Variants in CIB4 observed in about 807,000 individuals in gnomAD.
The protein encoded by CIB4 is calcium and integrin-binding family member 4.
Under a neutral mutation model 25.8 loss-of-function variants are expected in CIB4, and 25 were observed. That is an observed-to-expected ratio of 0.97 (90% confidence interval 0.71 to 1.35). The LOEUF (loss-of-function observed/expected upper bound fraction) is 1.35. Ranked by LOEUF, CIB4 falls within the 40% of genes most tolerant of loss-of-function variation. The pLI is 0.00. For synonymous variants in CIB4, 75 were observed against 81.4 expected (o/e 0.92, Z 0.42); for missense variants, 235 against 228.2 (o/e 1.03, Z -0.19).
chr2:26,628,433 T>G (rs1669349949), intron 3 of CIB4, among the ~76,000 whole-genome samples: 1 of 152,016 alleles, frequency 6.6e-6, no homozygotes, highest in Non-Finnish European at 1.5e-5. Context: ...AGGGAAGGTT[T>G]GCCAAGGACC....
chr2:26,621,845 T>C (rs1316838978), intron 3 of CIB4, among the ~76,000 whole-genome samples: 1 of 152,164 alleles, frequency 6.6e-6, no homozygotes, highest in African/African-American at 2.4e-5. Context: ...GAAATTTTGC[T>C]AGGAAAAGGA....
chr2:26,607,189 C>G (rs568678000), intron 3 of CIB4, among the ~76,000 whole-genome samples: 2 of 152,148 alleles, frequency 1.3e-5, no homozygotes, highest in Non-Finnish European at 2.9e-5. Flanking sequence ...GGCAGTGGAG[C>G]GAGCAGAGGC....
intron 3 of CIB4, among the ~76,000 whole-genome samples, chr2:26,604,890 A>T (rs1668858943): frequency 1.3e-5 from 2 of 152,214 alleles, no homozygotes; most frequent in Non-Finnish European, 2.9e-5. Flanking sequence ...ATCATTAAGG[A>T]TATGAAAGAC....
rs1558554548 is a variant in CIB4, at chr2:26,588,997, T to TTCTTCC, written c.329-5100_329-5099insGGAAGA. ...TTCTTCTTTCTTCTTCTTCTTCTTCTTCTTCTTCTTCTTCTTCTTCTTCTT... is the reference window on the plus strand; with the variant it reads ...TTCTTCTTTCTTCTTCTTCTTCTTCTTCTTCCTCTTCTTCTTCTTCTTCTTCTTCTT... On this transcript the variant is annotated intron_variant, in intron 4 of 6. Transcript: ENST00000288861. 2.5e-3 allele frequency among the ~76,000 whole-genome samples: 25 copies of TTCTTCC among 9,956 alleles called. 2 individuals carry two copies. Among genetic ancestry groups the TTCTTCC allele is most frequent in the African/African-American group, 6.8e-3 (22 of 3,212 alleles). The allele number at this position is 9,956 out of a possible 152,430, so 6.5% of individuals were successfully genotyped here. A position where few individuals can be genotyped will look rare whatever the true frequency, so the allele number is the denominator to read the frequency against.
intron 2 of CIB4, among the ~76,000 whole-genome samples, chr2:26,631,576 G>A (rs762110813): frequency 1.3e-5 from 2 of 152,170 alleles, no homozygotes; most frequent in Non-Finnish European, 2.9e-5. Context: ...CCCTGACGAT[G>A]GTAGGTGGAG....
intron 3 of CIB4, among the ~76,000 whole-genome samples, chr2:26,607,946 G>C (rs904504354): frequency 1.3e-5 from 2 of 152,252 alleles, no homozygotes; most frequent in African/African-American, 4.8e-5. Flanking sequence ...ACTCAAAGGA[G>C]AGCAGCTCTG....
At chr2:26,629,387 C>G in intron 3 of CIB4, 23 bp downstream of exon 3, 1 of 1,511,568 alleles carries the variant, frequency 6.6e-7, no homozygotes, top group East Asian at 2.4e-5. Flanking sequence ...CTGCCCTTGC[C>G]CCACCCACCA....
intron 3 of CIB4, among the ~76,000 whole-genome samples, chr2:26,625,120 G>C (rs1669275172): frequency 6.6e-6 from 1 of 152,086 alleles, no homozygotes; most frequent in Admixed American, 6.5e-5. Context: ...CCAAGTCCTA[G>C]GGCCAGAACC....
Position 26,629,433 on chromosome 2 carries a change from C to A in CIB4, c.163G>T (p.Val55Phe), listed in dbSNP as rs1190055695. ...ACCCGCAGAGCTGGCAGGGAGCTGA[C>A]CTGGTCCATGGTGAGCGTTGCCTCC... The part of the protein sequence containing the change: ...YKEATLTMDQ[V>F]SSLPALRVNP... Residue 55 changes from valine (V) to phenylalanine (F), a missense_variant, in exon 3 of 7, where the codon GTC becomes TTC. Physicochemically the swap from Val to Phe is conservative, Grantham distance 50 (BLOSUM62 -1). Transcript: ENST00000288861. 3 of 1,581,208 alleles carry A rather than the reference C, an allele frequency of 1.9e-6. No homozygotes were observed. The highest frequency in any genetic ancestry group is 2.6e-6 in the Non-Finnish European group (3 of 1,163,296).
intron 3 of CIB4, among the ~76,000 whole-genome samples, chr2:26,620,767 G>C (rs543863172): frequency 6.6e-6 from 1 of 152,240 alleles, no homozygotes; most frequent in South Asian, 2.1e-4. Context: ...TCTGAGGAAG[G>C]CTTCTGACGC....
rs1466155795 is a variant in CIB4, at chr2:26,581,340, C to T, written c.*23G>A. On this transcript the variant is annotated 3_prime_UTR_variant, in exon 7 of 7. Coordinates refer to ENST00000288861, the MANE Select transcript of CIB4 (RefSeq NM_001029881.3). Reference sequence around the variant, plus strand: ...TTCCTGTGGTCTCCCTCGAGGCTGCCATGTCAGGTGTTTGCCGCTACATCA... The same window carrying T: ...TTCCTGTGGTCTCCCTCGAGGCTGCTATGTCAGGTGTTTGCCGCTACATCA... 6.2e-7 allele frequency: 1 copy of T among 1,608,866 alleles called. No homozygotes were observed. Among genetic ancestry groups the T allele is most frequent in the South Asian group, 1.1e-5 (1 of 90,918 alleles).
chr2:26,612,693 C>T (rs1451947525), intron 3 of CIB4, among the ~76,000 whole-genome samples: 1 of 152,094 alleles, frequency 6.6e-6, no homozygotes, highest in Non-Finnish European at 1.5e-5. Context: ...GAGCAGCTGG[C>T]CAAGCGAGGC....
intron 2 of CIB4, among the ~76,000 whole-genome samples, chr2:26,639,897 C>T (rs979798365): frequency 6.6e-6 from 1 of 152,056 alleles, no homozygotes; most frequent in Admixed American, 6.6e-5. Flanking sequence ...CTGGCTTGGC[C>T]CAAACACACA....
chr2:26,586,602 C>T (rs918548568), intron 4 of CIB4, among the ~76,000 whole-genome samples: 15 of 152,330 alleles, frequency 9.8e-5, no homozygotes, highest in African/African-American at 3.6e-4. Context: ...ACAGAGTAGA[C>T]GCTCAATGGC....
At chr2:26,587,115 G>A (rs1558553657) in intron 4 of CIB4, among the ~76,000 whole-genome samples, 1 of 151,916 alleles carries the variant, frequency 6.6e-6, no homozygotes, top group Admixed American at 6.6e-5. Context: ...GACCATCCTG[G>A]CTAACACAGT....
In CIB4 at chr2:26,608,459, G is replaced by A. The variant is rs529367624; in HGVS notation, c.187-13142C>T. On this transcript the variant is annotated intron_variant, in intron 3 of 6. Transcript: ENST00000288861. ...TAGACTTTCCGAGTCAGCACCTCTA[G>A]GCCTAAGGCCCAAGAGTCTGTATCT... Among the ~76,000 whole-genome samples, 7 of 152,258 alleles carry A rather than the reference G, an allele frequency of 4.6e-5. No individual in the cohort carries two copies. In the South Asian group the frequency reaches 1.5e-3, roughly 32 times the overall value.
chr2:26,603,345 T>C (rs1171372543), intron 3 of CIB4, among the ~76,000 whole-genome samples: 1 of 152,180 alleles, frequency 6.6e-6, no homozygotes. Context: ...TTGTATTGCA[T>C]TAATACAATG....
intron 3 of CIB4, among the ~76,000 whole-genome samples, chr2:26,611,780 A>G (rs1051052835): frequency 4.6e-5 from 7 of 152,256 alleles, no homozygotes; most frequent in Non-Finnish European, 1.0e-4. Context: ...ATCAGAACTC[A>G]ATGCAATTAT....
At chr2:26,608,968 CT>C in intron 3 of CIB4, among the ~76,000 whole-genome samples, 1 of 152,176 alleles carries the variant, frequency 6.6e-6, no homozygotes, top group Non-Finnish European at 1.5e-5. Context: ...TGGCTTCCCT[CT>C]TCTAATTTCT....
Sources: gnomAD v4.1 joint callset for allele counts (sites outside exome capture counted in the v4.1 genomes callset) on GRCh38, gnomAD v4.1.1 for gene constraint, MANE v1.5 for transcripts, NCBI Gene and HGNC (gene_info 2026-07-23, HGNC 2026-07-21) for gene names.